BMP6: variants seen among roughly 807,000 people sequenced by gnomAD.
BMP6 encodes the protein bone morphogenetic protein 6.
BMP6 carries 17 observed loss-of-function variants against 54.1 expected under a neutral mutation model. The ratio of observed to expected loss-of-function variants is 0.31; its 90% CI spans 0.22 to 0.47. The LOEUF (loss-of-function observed/expected upper bound fraction) is 0.47, where lower values mean the gene tolerates loss of function less well. Ranked by LOEUF, BMP6 falls within the 20% of genes least tolerant of loss-of-function variation. The probability of loss-of-function intolerance (pLI) is 1.00; values close to 1 mark genes in which losing one functional copy is unlikely to be tolerated. For synonymous variants in BMP6, 328 were observed against 291.2 expected (o/e 1.13, Z -1.28); for missense variants, 720 against 690.4 (o/e 1.04, Z -0.48).
rs1429337990 is a variant in BMP6 at position 7,813,109 on chromosome 6, ATATATATATATATATATAT to A, written c.665-32030_665-32012del. On this transcript the variant is annotated intron_variant, in intron 1 of 6. Transcript: ENST00000283147. ...TACAAAAAAAAAAAAAAAAAAAAAA[ATATATATATATATATATAT>A]ATATATATATATATATATATAAAAT... is the stretch of plus-strand genomic sequence containing the variant. 8.2e-3 allele frequency among the ~76,000 whole-genome samples: 129 copies of A among 15,750 alleles called. 13 individuals carry two copies. Among genetic ancestry groups the A allele is most frequent in the Admixed American group, 0.012 (10 of 864 alleles). 10.3% of individuals were successfully genotyped at this position (15,750 alleles called of 152,430 possible).
At chr6:7,847,861 C>T (rs970850676) in intron 2 of BMP6, among the ~76,000 whole-genome samples, 31 of 152,142 alleles carry the variant, frequency 2.0e-4, no homozygotes, top group African/African-American at 5.8e-4. Flanking sequence ...CTTGAATAGA[C>T]GGTACTTTTA....
chr6:7,736,834 A>G (rs1409048960), intron 1 of BMP6, among the ~76,000 whole-genome samples: 1 of 152,114 alleles, frequency 6.6e-6, no homozygotes, highest in African/African-American at 2.4e-5. Context: ...AATTCCAGCT[A>G]ATTTGCCCGC....
intron 4 of BMP6, among the ~76,000 whole-genome samples, chr6:7,877,527 G>A (rs906336633): frequency 2.6e-5 from 4 of 152,114 alleles, no homozygotes; most frequent in African/African-American, 9.7e-5. Context: ...GGAGACTGAG[G>A]CAGGAGAATC....
intron 1 of BMP6, among the ~76,000 whole-genome samples, chr6:7,728,978 A>T (rs1382982718): frequency 6.6e-6 from 1 of 152,168 alleles, no homozygotes; most frequent in South Asian, 2.1e-4. Context: ...GAGGGTGTGG[A>T]GGCAGGGCGA....
chr6:7,738,500 C>G (rs1761995465), intron 1 of BMP6, among the ~76,000 whole-genome samples: 1 of 152,156 alleles, frequency 6.6e-6, no homozygotes, highest in Non-Finnish European at 1.5e-5. Flanking sequence ...GCTGCCTCAC[C>G]ACGACCTGCT....
intron 1 of BMP6, among the ~76,000 whole-genome samples, chr6:7,765,978 A>G (rs889641047): frequency 1.3e-5 from 2 of 152,168 alleles, no homozygotes; most frequent in Non-Finnish European, 2.9e-5. Context: ...GCCCAGCTGA[A>G]TAATCCAGAT....
intron 1 of BMP6, among the ~76,000 whole-genome samples, chr6:7,800,012 T>C (rs938389554): frequency 1.7e-4 from 26 of 152,144 alleles, no homozygotes; most frequent in Non-Finnish European, 3.2e-4. Flanking sequence ...TGGAGTTGTT[T>C]ATATTAACTT....
chr6:7,806,536 A>G (rs1244052340), intron 1 of BMP6, among the ~76,000 whole-genome samples: 1 of 152,142 alleles, frequency 6.6e-6, no homozygotes, highest in East Asian at 1.9e-4. Flanking sequence ...TTGGCTATTG[A>G]TGGTTTCTCT....
chr6:7,827,176 G>C (rs943120625), intron 1 of BMP6, among the ~76,000 whole-genome samples: 3 of 152,190 alleles, frequency 2.0e-5, no homozygotes, highest in African/African-American at 4.8e-5. Flanking sequence ...TGACTTGGCA[G>C]GGGGAGCCAC....
intron 1 of BMP6, among the ~76,000 whole-genome samples, chr6:7,791,205 C>T (rs1189326354): frequency 6.6e-6 from 1 of 152,220 alleles, no homozygotes; most frequent in Non-Finnish European, 1.5e-5. Context: ...TATGTGACTT[C>T]TCCATCATCC....
At chr6:7,820,639 A>G (rs1434802183) in intron 1 of BMP6, among the ~76,000 whole-genome samples, 2 of 152,106 alleles carry the variant, frequency 1.3e-5, no homozygotes, top group Non-Finnish European at 2.9e-5. Context: ...TCATTCCCCG[A>G]GGCAGGTGAG....
intron 4 of BMP6, among the ~76,000 whole-genome samples, chr6:7,867,512 A>G (rs1759444044): frequency 6.6e-6 from 1 of 152,180 alleles, no homozygotes. Flanking sequence ...TGGATTGGGG[A>G]TAGCCAGAGC....
At chr6:7,733,874 C>T (rs900842614) in intron 1 of BMP6, among the ~76,000 whole-genome samples, 8 of 152,088 alleles carry the variant, frequency 5.3e-5, no homozygotes, top group African/African-American at 1.2e-4. Flanking sequence ...ATCACCACTT[C>T]GGTGAAAATT....
At chr6:7,750,650 TG>T (rs1227486100) in intron 1 of BMP6, among the ~76,000 whole-genome samples, 1 of 152,210 alleles carries the variant, frequency 6.6e-6, no homozygotes, top group Non-Finnish European at 1.5e-5. Context: ...TTCTGGAACT[TG>T]AAATTTTTTT....
At chr6:7,863,118 C>T (rs1275838143) in intron 4 of BMP6, among the ~76,000 whole-genome samples, 1 of 152,136 alleles carries the variant, frequency 6.6e-6, no homozygotes, top group African/African-American at 2.4e-5. Flanking sequence ...TCTGCCTCAG[C>T]CTCCCGAGTA....
intron 1 of BMP6, among the ~76,000 whole-genome samples, chr6:7,807,756 G>A (rs970621886): frequency 6.6e-6 from 1 of 151,986 alleles, no homozygotes; most frequent in Non-Finnish European, 1.5e-5. Flanking sequence ...AGAAGACAGA[G>A]CAATTCAAAC....
intron 1 of BMP6, among the ~76,000 whole-genome samples, chr6:7,830,987 C>A (rs1195891826): frequency 6.6e-6 from 1 of 152,194 alleles, no homozygotes; most frequent in African/African-American, 2.4e-5. Context: ...CACGTACTCA[C>A]ATACAAGTAC....
intron 4 of BMP6, among the ~76,000 whole-genome samples, chr6:7,865,229 C>G (rs1759400233): frequency 6.6e-6 from 1 of 152,100 alleles, no homozygotes; most frequent in Non-Finnish European, 1.5e-5. Context: ...TCAAGTTGAT[C>G]TAATTAGTAA....
chr6:7,727,929 CT>C (rs71542879), intron 1 of BMP6, among the ~76,000 whole-genome samples: 3 of 151,482 alleles, frequency 2.0e-5, no homozygotes, highest in East Asian at 3.9e-4. Flanking sequence ...ACGTTCCGCG[CT>C]TTTTTTCACT....
Sources: allele counts gnomAD v4.1 joint callset (sites outside exome capture counted in the v4.1 genomes callset), GRCh38; gene constraint gnomAD v4.1.1; transcripts MANE v1.5; gene names NCBI Gene and HGNC (gene_info 2026-07-23, HGNC 2026-07-21).